RPS6KB1: variants seen among roughly 807,000 people sequenced by gnomAD.
RPS6KB1 encodes the protein ribosomal protein S6 kinase B1.
RPS6KB1 carries 12 observed loss-of-function variants against 70.2 expected under a neutral mutation model. That is an observed-to-expected ratio of 0.17 (90% CI 0.11 to 0.28). The LOEUF (loss-of-function observed/expected upper bound fraction) is 0.28. Among genes scored for constraint, RPS6KB1 ranks in the 10% least tolerant of loss-of-function variants. The pLI, the probability that RPS6KB1 is intolerant of heterozygous loss-of-function variation, is 1.00. For missense variants in RPS6KB1, 270 were observed against 646.6 expected (o/e 0.42, Z 6.32); for synonymous variants, 175 against 211.2 (o/e 0.83, Z 1.49).
intron 4 of RPS6KB1, among the ~76,000 whole-genome samples, chr17:59,919,949 T>G (rs1329164762): frequency 6.6e-6 from 1 of 152,222 alleles, no homozygotes; most frequent in Non-Finnish European, 1.5e-5. Context: ...CTTACCCCAC[T>G]CTGCTACATC....
intron 1 of RPS6KB1, among the ~76,000 whole-genome samples, chr17:59,899,107 G>A (rs2041747556): frequency 1.3e-5 from 2 of 151,900 alleles, no homozygotes; most frequent in South Asian, 4.2e-4. Context: ...GGGAGGCTGA[G>A]GCAGGAGAAT....
intron 3 of RPS6KB1, 100 bp from the exon 4 acceptor site, chr17:59,914,535 A>G: frequency 1.2e-6 from 1 of 849,456 alleles, no homozygotes; most frequent in Non-Finnish European, 2.0e-6. Context: ...TAGTTTTTAT[A>G]ATATAAACTG....
At chr17:59,921,000 T>C (rs1315407692) in intron 4 of RPS6KB1, among the ~76,000 whole-genome samples, 1 of 152,246 alleles carries the variant, frequency 6.6e-6, no homozygotes, top group Non-Finnish European at 1.5e-5. Context: ...GCCCAGCCTC[T>C]GGTCAAGATT....
rs778854523 is a variant in RPS6KB1 at position 59,936,435 on chromosome 17, A to C, written c.1042-29A>C. The stretch of plus-strand genomic sequence containing the variant: ...CAATCCAGCAAAGTCTAGTCCCCTC[A>C]ACTTTTCTTCCTGCTTTTTTTTTCC... On this transcript the variant is annotated intron_variant, in intron 11 of 14. Transcript: ENST00000225577. 9 of 1,602,936 alleles carry C rather than the reference A, an allele frequency of 5.6e-6. No individual in the cohort carries two copies. In the South Asian group the frequency reaches 7.7e-5, roughly 14 times the overall value.
In RPS6KB1 at chr17:59,948,095, G is replaced by A. The variant is rs1488570331; in HGVS notation, c.*1307G>A. 6.5e-6 allele frequency: 1 copy of A among 152,820 alleles called. No homozygotes were observed. Among genetic ancestry groups the A allele is most frequent in the East Asian group, 1.9e-4 (1 of 5,212 alleles). The allele number at this position is 152,820 out of a possible 1,614,324, so 9.5% of individuals were successfully genotyped here. ...GCTTAATTTAGGAAACATGTTAACA[G>A]GACACTATGTTTTTGAAATTGTAAC... On this transcript the variant is annotated 3_prime_UTR_variant, in exon 15 of 15. Coordinates refer to ENST00000225577, the MANE Select transcript of RPS6KB1 (RefSeq NM_003161.4).
rs2043603248 is a variant in RPS6KB1 at position 59,926,295 on chromosome 17, C to G, written c.382-140C>G. ...ATATAAAGTGAATGTTTTCCATTACCCCATCTCAGTTTCTAGTGGGAACTA... is the reference window on the plus strand; with the variant it reads ...ATATAAAGTGAATGTTTTCCATTACGCCATCTCAGTTTCTAGTGGGAACTA... On this transcript the variant is annotated intron_variant, in intron 4 of 14. Coordinates refer to ENST00000225577, the MANE Select transcript of RPS6KB1 (RefSeq NM_003161.4). 7.7e-6 allele frequency: 5 copies of G among 650,944 alleles called. No homozygotes were observed. The South Asian group carries it at 1.2e-4, about 15-fold the overall frequency. The allele number at this position is 650,944 out of a possible 1,614,324, so 40.3% of individuals were successfully genotyped here. A position where few individuals can be genotyped will look rare whatever the true frequency, so the allele number is the denominator to read the frequency against.
At chr17:59,932,760 C>T (rs762122072) in intron 7 of RPS6KB1, among the ~76,000 whole-genome samples, 1 of 151,996 alleles carries the variant, frequency 6.6e-6, no homozygotes, top group Non-Finnish European at 1.5e-5. Context: ...ATCATGTTGC[C>T]CAGGGTGGTC....
intron 5 of RPS6KB1, among the ~76,000 whole-genome samples, chr17:59,928,390 T>C (rs2043747991): frequency 6.6e-6 from 1 of 150,898 alleles, no homozygotes; most frequent in Non-Finnish European, 1.5e-5. Flanking sequence ...TTTCTTTTCT[T>C]TTTTTTTTGA....
intron 13 of RPS6KB1, among the ~76,000 whole-genome samples, chr17:59,944,791 C>CTTTTTT (rs3066277): frequency 1.5e-5 from 2 of 134,490 alleles, no homozygotes; most frequent in African/African-American, 2.7e-5. Context: ...TATTTAACAT[C>CTTTTTT]TTTTTTTTTT....
At chr17:59,919,252 T>C (rs1254915016) in intron 4 of RPS6KB1, among the ~76,000 whole-genome samples, 1 of 152,114 alleles carries the variant, frequency 6.6e-6, no homozygotes, top group Non-Finnish European at 1.5e-5. Flanking sequence ...GGGCTGGGTG[T>C]GGTGGCTCAC....
In RPS6KB1 at chr17:59,910,641, G is replaced by T. The variant is rs553995889; in HGVS notation, c.191+30G>T. 41 of 1,444,646 alleles carry T rather than the reference G, an allele frequency of 2.8e-5. No individual in the cohort carries two copies. In the East Asian group the frequency reaches 8.7e-4, roughly 31 times the overall value. The allele number at this position is 1,444,646 out of a possible 1,614,324, so 89.5% of individuals were successfully genotyped here. The stretch of plus-strand genomic sequence containing the variant: ...GTTTATATGAAGAGATTTTCATTGT[G>T]TTGTCTTTCTTACAAGTAGGTTTTA... On this transcript the variant is annotated intron_variant, in intron 2 of 14. Transcript: ENST00000225577.
At chr17:59,927,877 A>G (rs1183456338) in intron 5 of RPS6KB1, among the ~76,000 whole-genome samples, 1 of 150,606 alleles carries the variant, frequency 6.6e-6, no homozygotes, top group Admixed American at 6.6e-5. Flanking sequence ...AAGAATTCCT[A>G]TGCCAGGCTC....
chr17:59,919,536 T>C (rs2043151499), intron 4 of RPS6KB1, among the ~76,000 whole-genome samples: 1 of 152,160 alleles, frequency 6.6e-6, no homozygotes, highest in Admixed American at 6.5e-5. Context: ...AGTTCTGCCA[T>C]TCATTTGCCT....
chr17:59,926,567 C>G lies in RPS6KB1; in HGVS notation c.514C>G (p.Leu172Val). 2 of 1,611,624 alleles carry G rather than the reference C, an allele frequency of 1.2e-6. No individual in the cohort carries two copies. The highest frequency in any genetic ancestry group is 1.7e-6 in the Non-Finnish European group (2 of 1,178,250). The change falls in exon 5 of 15, where the codon CTT becomes GTT. Residue 172 changes from leucine to valine, a missense_variant. Leu to Val is a conservative substitution (Grantham distance 32). This residue lies in a region of RPS6KB1 where 21 missense variants were observed against 135.9 expected (regional missense o/e 0.15). Transcript: ENST00000225577. ...GACTGGTGGAAAACTCTACCTCATC[C>G]TTGAGTATCTCAGTGGTCAGTACAC... ...FQTGGKLYLI[L>V]EYLSGGELFM... is the part of the protein sequence containing the mutation.
At chr17:59,920,349 G>T (rs1203184667) in intron 4 of RPS6KB1, among the ~76,000 whole-genome samples, 2 of 152,056 alleles carry the variant, frequency 1.3e-5, no homozygotes. Flanking sequence ...TTCCAGTGGA[G>T]AACTACTTTA....
At chr17:59,915,179 G>A (rs1313081879) in intron 4 of RPS6KB1, among the ~76,000 whole-genome samples, 4 of 151,812 alleles carry the variant, frequency 2.6e-5, no homozygotes, top group African/African-American at 4.8e-5. Context: ...TGATAGAAAC[G>A]GGGTTTCACC....
At chr17:59,923,152 G>A (rs1039361452) in intron 4 of RPS6KB1, among the ~76,000 whole-genome samples, 4 of 150,222 alleles carry the variant, frequency 2.7e-5, no homozygotes, top group Admixed American at 2.0e-4. Flanking sequence ...ATGAGCCACC[G>A]CACCTGGTCT....
chr17:59,900,171 AACAC>A (rs759914423), intron 1 of RPS6KB1, among the ~76,000 whole-genome samples: 4,068 of 102,304 alleles, frequency 0.04, 76 homozygotes, highest in Middle Eastern at 0.068. Flanking sequence ...CTAATTGCTA[AACAC>A]ACACACACAC....
rs1019285696 is a variant in RPS6KB1, at chr17:59,947,972, CTATT to C, written c.*1186_*1189del. 2 of 196,782 alleles carry C rather than the reference CTATT, an allele frequency of 1.0e-5. No individual in the cohort carries two copies. Among genetic ancestry groups the C allele is most frequent in the African/African-American group, 4.6e-5 (2 of 43,154 alleles). The allele number at this position is 196,782 out of a possible 1,614,324, so 12.2% of individuals were successfully genotyped here. Reference sequence around the variant, plus strand: ...AACAGTTTTAAAAAGAAAAAAAGGTCTATTTTTTTTTCTCCTATACTTGGGCTAC... The same window carrying C: ...AACAGTTTTAAAAAGAAAAAAAGGTCTTTTTTTCTCCTATACTTGGGCTAC... On this transcript the variant is annotated 3_prime_UTR_variant, in exon 15 of 15. Coordinates refer to ENST00000225577, the MANE Select transcript of RPS6KB1 (RefSeq NM_003161.4).
Sources: allele counts gnomAD v4.1 joint callset (sites outside exome capture counted in the v4.1 genomes callset), GRCh38; gene constraint gnomAD v4.1.1; regional missense constraint gnomAD v4.1.1; transcripts MANE v1.5; gene names NCBI Gene and HGNC (gene_info 2026-07-23, HGNC 2026-07-21).